The following EIF4EBP2 variants were observed in gnomAD, a reference collection of about 807,000 sequenced individuals.
The protein encoded by EIF4EBP2 is eukaryotic translation initiation factor 4E binding protein 2, also known as eukaryotic translation initiation factor 4E-binding protein 2.
Under a neutral mutation model 10.3 loss-of-function variants are expected in EIF4EBP2, and 5 were observed. The observed-to-expected ratio is 0.48, with a 90% CI of 0.25 to 1.02. EIF4EBP2 has a LOEUF of 1.02. Ranked by LOEUF, EIF4EBP2 falls within the 50% of genes least tolerant of loss-of-function variation. EIF4EBP2 has a pLI of 0.15. For missense variants in EIF4EBP2, 188 were observed against 162.2 expected (o/e 1.16, Z -0.86); for synonymous variants, 67 against 61.1 (o/e 1.10, Z -0.45).
chr10:70,414,714 A>G (rs769700064), intron 1 of EIF4EBP2, among the ~76,000 whole-genome samples: 1 of 152,102 alleles, frequency 6.6e-6, no homozygotes, highest in Non-Finnish European at 1.5e-5. Flanking sequence ...CTAAAAATAC[A>G]AAAATTAGCT....
chr10:70,416,935 T>A (rs1050759422), intron 1 of EIF4EBP2, among the ~76,000 whole-genome samples: 2 of 152,168 alleles, frequency 1.3e-5, no homozygotes, highest in Non-Finnish European at 2.9e-5. Context: ...AGTGCTGGGA[T>A]TACAGGTGTG....
chr10:70,423,225 T>G lies in EIF4EBP2; in HGVS notation c.*1478T>G, dbSNP rs1207104325. 6.6e-6 allele frequency: 1 copy of G among 152,656 alleles called. No individual in the cohort carries two copies. The highest frequency in any genetic ancestry group is 1.5e-5 in the Non-Finnish European group (1 of 68,038). The allele number at this position is 152,656 out of a possible 1,614,324, so 9.5% of individuals were successfully genotyped here. On this transcript the variant is annotated 3_prime_UTR_variant, in exon 3 of 3. Coordinates refer to ENST00000373218, the MANE Select transcript of EIF4EBP2 (RefSeq NM_004096.5). ...AAGTTGAGAAACGTTCATAGGCAAG[T>G]CTGCTGTTCTATGTCACCATCTTTT... is the stretch of plus-strand genomic sequence containing the variant.
intron 1 of EIF4EBP2, among the ~76,000 whole-genome samples, chr10:70,411,407 CA>C (rs771743034): frequency 1.3e-5 from 2 of 151,586 alleles, no homozygotes; most frequent in Non-Finnish European, 2.9e-5. Flanking sequence ...ATTATTATTA[CA>C]TTTTTTTAAT....
chr10:70,413,755 T>C (rs1160003989), intron 1 of EIF4EBP2, among the ~76,000 whole-genome samples: 2 of 152,196 alleles, frequency 1.3e-5, no homozygotes, highest in African/African-American at 2.4e-5. Context: ...TTTTTTTTCA[T>C]AACTTTCCAA....
At chr10:70,416,307 G>A (rs538670320) in intron 1 of EIF4EBP2, among the ~76,000 whole-genome samples, 33 of 152,248 alleles carry the variant, frequency 2.2e-4, no homozygotes, top group Middle Eastern at 3.4e-3. Context: ...CTGGCCGGGC[G>A]CGGTGGCTCA....
At chr10:70,421,575 A>T in intron 2 of EIF4EBP2, 141 bp from the exon 3 acceptor site, 1 of 735,976 alleles carries the variant, frequency 1.4e-6, no homozygotes, top group Non-Finnish European at 2.3e-6. Flanking sequence ...AGCCAAAGCA[A>T]AGCAGAGTAA....
intron 1 of EIF4EBP2, among the ~76,000 whole-genome samples, chr10:70,406,483 C>G (rs1396622851): frequency 6.6e-6 from 1 of 152,022 alleles, no homozygotes. Flanking sequence ...ATAGTGACAA[C>G]TGCACTCAGC....
intron 1 of EIF4EBP2, among the ~76,000 whole-genome samples, chr10:70,415,231 A>C (rs901292397): frequency 3.3e-5 from 5 of 152,312 alleles, no homozygotes; most frequent in Non-Finnish European, 4.4e-5. Context: ...GATAGGAATA[A>C]CTTTAGTCAC....
At chr10:70,414,403 T>C (rs1338543866) in intron 1 of EIF4EBP2, among the ~76,000 whole-genome samples, 1 of 152,222 alleles carries the variant, frequency 6.6e-6, no homozygotes, top group Non-Finnish European at 1.5e-5. Context: ...TTCCTGGCTA[T>C]ATTTGAGAAC....
At chr10:70,418,145 G>T (rs1845116874) in intron 1 of EIF4EBP2, among the ~76,000 whole-genome samples, 2 of 152,176 alleles carry the variant, frequency 1.3e-5, no homozygotes, top group African/African-American at 4.8e-5. Flanking sequence ...CTCATGATGG[G>T]ATTTGTGCCC....
chr10:70,409,542 A>C (rs576353870), intron 1 of EIF4EBP2, among the ~76,000 whole-genome samples: 39 of 152,308 alleles, frequency 2.6e-4, no homozygotes, highest in African/African-American at 9.4e-4. Flanking sequence ...AGTCCCTCAA[A>C]TTTAGTATCC....
chr10:70,411,067 A>G, intron 1 of EIF4EBP2, among the ~76,000 whole-genome samples: 1 of 152,238 alleles, frequency 6.6e-6, no homozygotes. Context: ...TGTTTTAAAC[A>G]TACATAACAA....
intron 1 of EIF4EBP2, among the ~76,000 whole-genome samples, chr10:70,410,020 G>A (rs1174316872): frequency 6.6e-6 from 1 of 152,164 alleles, no homozygotes; most frequent in East Asian, 1.9e-4. Flanking sequence ...GGGAGTGAAA[G>A]TGAACTATAC....
chr10:70,417,918 C>G (rs1197146179), intron 1 of EIF4EBP2, among the ~76,000 whole-genome samples: 1 of 152,176 alleles, frequency 6.6e-6, no homozygotes, highest in African/African-American at 2.4e-5. Context: ...CCTATTTGCC[C>G]TTATTTTACA....
chr10:70,405,043 C>G (rs1456469628), intron 1 of EIF4EBP2, among the ~76,000 whole-genome samples: 1 of 152,194 alleles, frequency 6.6e-6, no homozygotes, highest in Non-Finnish European at 1.5e-5. Context: ...GGCTGGAATG[C>G]GGAGTCTGGA....
Position 70,421,662 on chromosome 10 carries a change from T to C in EIF4EBP2, c.332-54T>C, listed in dbSNP as rs1281564512. 3 of 1,529,334 alleles carry C rather than the reference T, an allele frequency of 2.0e-6. No homozygotes were observed. The East Asian group carries it at 6.8e-5, about 35-fold the overall frequency. The allele number at this position is 1,529,334 out of a possible 1,614,324, so 94.7% of individuals were successfully genotyped here. On this transcript the variant is annotated intron_variant, in intron 2 of 2. Coordinates refer to ENST00000373218, the MANE Select transcript of EIF4EBP2 (RefSeq NM_004096.5). ...ATTTAGAGGGAATGACAGTTAAAACTGTTATGCTTCTTTGTGTACGTGCTA... is the reference window on the plus strand; with the variant it reads ...ATTTAGAGGGAATGACAGTTAAAACCGTTATGCTTCTTTGTGTACGTGCTA...
In EIF4EBP2 at chr10:70,426,072, C is replaced by T. The variant is rs896141524; in HGVS notation, c.*4325C>T. The T allele has an allele frequency of 1.7e-4, 26 of 152,188 alleles. No individual in the cohort carries two copies. Among genetic ancestry groups the T allele is most frequent in the Non-Finnish European group, 2.9e-5 (2 of 68,036 alleles). 9.4% of individuals were successfully genotyped at this position (152,188 alleles called of 1,614,324 possible). A position where few individuals can be genotyped will look rare whatever the true frequency, so the allele number is the denominator to read the frequency against. The stretch of plus-strand genomic sequence containing the variant: ...GGTTAACCCTGCATGCCCATTTCTT[C>T]CTGGGCTTCTTGATGGCAATGTGTT... On this transcript the variant is annotated 3_prime_UTR_variant, in exon 3 of 3. Coordinates refer to ENST00000373218, the MANE Select transcript of EIF4EBP2 (RefSeq NM_004096.5).
intron 1 of EIF4EBP2, among the ~76,000 whole-genome samples, chr10:70,416,053 A>G (rs1225012177): frequency 6.6e-6 from 1 of 152,220 alleles, no homozygotes; most frequent in Admixed American, 6.5e-5. Context: ...TCATTGAAAA[A>G]TGGGTAAAGG....
Position 70,422,768 on chromosome 10 carries a change from AT to A in EIF4EBP2, c.*1023del, listed in dbSNP as rs1845171538. The A allele has an allele frequency of 6.6e-6, 1 of 152,156 alleles. No individual in the cohort carries two copies. Among genetic ancestry groups the A allele is most frequent in the Non-Finnish European group, 1.5e-5 (1 of 68,032 alleles). The allele number at this position is 152,156 out of a possible 1,614,324, so 9.4% of individuals were successfully genotyped here. On this transcript the variant is annotated 3_prime_UTR_variant, in exon 3 of 3. Coordinates refer to ENST00000373218, the MANE Select transcript of EIF4EBP2 (RefSeq NM_004096.5). The stretch of plus-strand genomic sequence containing the variant: ...GTCGTCATTTTTAAGTCCAGTGAGC[AT>A]TGTGGTAGTTGTTCTTAGATTGCAG...
Sources: gnomAD v4.1 joint callset for allele counts (sites outside exome capture counted in the v4.1 genomes callset) on GRCh38, gnomAD v4.1.1 for gene constraint, MANE v1.5 for transcripts, NCBI Gene and HGNC (gene_info 2026-07-23, HGNC 2026-07-21) for gene names.